The following ALPK2 variants were observed in gnomAD, a reference collection of about 807,000 sequenced individuals.
ALPK2 encodes alpha kinase 2, also known as alpha-protein kinase 2.
A neutral mutation model predicts 163.1 loss-of-function variants in ALPK2; 127 were observed. That is an observed-to-expected ratio of 0.78 (90% CI 0.67 to 0.90). The LOEUF is 0.90. ALPK2 is among the 40% of genes least tolerant of loss of function. The probability of loss-of-function intolerance (pLI) is 0.00; values close to 1 mark genes in which losing one functional copy is unlikely to be tolerated. For missense variants in ALPK2, 2,360 were observed against 2,589.6 expected, an observed-to-expected ratio of 0.91 and a Z score of 1.92; for synonymous variants, 953 against 959.1, an observed-to-expected ratio of 0.99 and a Z score of 0.12.
At chr18:58,590,424 C>G (rs1223345382) in intron 3 of ALPK2, among the ~76,000 whole-genome samples, 1 of 152,068 alleles carries the variant, frequency 6.6e-6, no homozygotes, top group African/African-American at 2.4e-5. Flanking sequence ...AGCTCCCCCT[C>G]CAGTGGCTGC....
intron 4 of ALPK2, among the ~76,000 whole-genome samples, chr18:58,577,627 G>C (rs1403859609): frequency 2.0e-5 from 3 of 152,188 alleles, no homozygotes; most frequent in Non-Finnish European, 4.4e-5. Flanking sequence ...TAAATAACTG[G>C]ATAGGAGAAT....
intron 4 of ALPK2, among the ~76,000 whole-genome samples, chr18:58,541,633 T>C (rs943876274): frequency 1.3e-5 from 2 of 152,262 alleles, no homozygotes; most frequent in East Asian, 3.8e-4. Context: ...TACCAGGCAC[T>C]GTTCTAGGCA....
In ALPK2 at chr18:58,617,742, TG is replaced by T. The variant is rs568265993; in HGVS notation, c.-20-5926del. On this transcript the variant is annotated intron_variant, in intron 1 of 12. Coordinates refer to ENST00000361673, the MANE Select transcript of ALPK2 (RefSeq NM_052947.4). ...TGGTATATATGTATGTTGGTATGTA[TG>T]GTACATGCTTTGTTGACAGTTGGCT... is the stretch of plus-strand genomic sequence containing the variant. Among the ~76,000 whole-genome samples the T allele has an allele frequency of 2.2e-4, 33 of 152,344 alleles. No homozygotes were observed. In the East Asian group the frequency reaches 6.2e-3, roughly 28 times the overall value.
chr18:58,529,364 G>A, intron 5 of ALPK2, 126 bp from the exon 6 acceptor site: 1 of 1,051,562 alleles, frequency 9.5e-7, no homozygotes, highest in Non-Finnish European at 1.3e-6. Context: ...AGTGAGAATT[G>A]AGTCTCTGAG....
intron 12 of ALPK2, among the ~76,000 whole-genome samples, chr18:58,489,409 T>G (rs535802551): frequency 6.6e-6 from 1 of 152,252 alleles, no homozygotes; most frequent in African/African-American, 2.4e-5. Context: ...AGGCTTGGTA[T>G]GGTAGGTAGC....
rs781603343 is a variant in ALPK2 at position 58,517,063 on chromosome 18, C to T, written c.5785G>A (p.Val1929Ile). ...GTGCTGCGGAAGGCTTTGCGGTGAA[C>T]CCCTTCTCCAAAGTGCAGCTCCTCC... ...ATEELHFGEG[V>I]HRKAFRSTVM... Residue 1929 changes from valine (V) to isoleucine (I), a missense_variant, in exon 9 of 13, where the codon GTT becomes ATT. By Grantham distance (29) the Val-to-Ile change is conservative. Coordinates refer to ENST00000361673, the MANE Select transcript of ALPK2 (RefSeq NM_052947.4). 12 of 1,614,122 alleles carry T rather than the reference C, an allele frequency of 7.4e-6. No homozygotes were observed. Among genetic ancestry groups the T allele is most frequent in the Non-Finnish European group, 1.0e-5 (12 of 1,180,042 alleles).
In ALPK2 at chr18:58,580,189, G is replaced by T; in HGVS notation, c.587C>A (p.Thr196Lys). 1.2e-6 allele frequency: 2 copies of T among 1,614,170 alleles called. No homozygotes were observed. Among genetic ancestry groups the T allele is most frequent in the South Asian group, 1.1e-5 (1 of 91,086 alleles). ...SSENPLGVKG[T>K]RHTGEAYDPS... is the part of the protein sequence containing the mutation. Reference sequence around the variant, plus strand: ...ATCATAAGCCTCTCCAGTGTGCCTTGTTCCTTTAACACCCAAAGGATTTTC... The same window carrying T: ...ATCATAAGCCTCTCCAGTGTGCCTTTTTCCTTTAACACCCAAAGGATTTTC... Residue 196 changes from threonine to lysine, a missense_variant, in exon 4 of 13, where the codon ACA becomes AAA. By Grantham distance (78) the Thr-to-Lys change is moderately conservative. Coordinates refer to ENST00000361673, the MANE Select transcript of ALPK2 (RefSeq NM_052947.4).
chr18:58,580,761 C>T, intron 3 of ALPK2: 1 of 574,320 alleles, frequency 1.7e-6, no homozygotes, highest in Non-Finnish European at 3.1e-6. Flanking sequence ...AGCATCCTCC[C>T]TTGAAACTTT....
chr18:58,619,931 G>A (rs1235446645), intron 1 of ALPK2, among the ~76,000 whole-genome samples: 1 of 152,240 alleles, frequency 6.6e-6, no homozygotes, highest in Non-Finnish European at 1.5e-5. Flanking sequence ...GGTCCAACTA[G>A]TGAATGGGTA....
chr18:58,550,571 C>G (rs1244588779), intron 4 of ALPK2, among the ~76,000 whole-genome samples: 3 of 149,902 alleles, frequency 2.0e-5, no homozygotes, highest in Non-Finnish European at 3.0e-5. Context: ...TGACTCTACC[C>G]TCATCTATAT....
intron 4 of ALPK2, among the ~76,000 whole-genome samples, chr18:58,554,072 G>A (rs779366511): frequency 2.4e-4 from 37 of 152,110 alleles, no homozygotes; most frequent in Non-Finnish European, 4.1e-4. Flanking sequence ...TGTTGGCCAG[G>A]CTGGTCTCAA....
intron 9 of ALPK2, among the ~76,000 whole-genome samples, chr18:58,515,865 A>G (rs1044080829): frequency 3.3e-5 from 5 of 152,216 alleles, no homozygotes; most frequent in African/African-American, 1.2e-4. Flanking sequence ...AAAGGGGCAC[A>G]GAGCTGGTGA....
chr18:58,504,176 A>G (rs955729055), intron 10 of ALPK2, 28 bp from the exon 11 acceptor site: 1 of 1,585,362 alleles, frequency 6.3e-7, no homozygotes, highest in African/African-American at 1.3e-5. Flanking sequence ...ACAGGCGCAC[A>G]TCAAGGTCTC....
chr18:58,593,563 C>CAAAAAAA (rs34460316), intron 3 of ALPK2, among the ~76,000 whole-genome samples: 1 of 50,642 alleles, frequency 2.0e-5, no homozygotes, highest in East Asian at 6.8e-4. Context: ...GACTCTGTCT[C>CAAAAAAA]AAAAAAAAAA....
intron 4 of ALPK2, among the ~76,000 whole-genome samples, chr18:58,550,062 T>C (rs1244174097): frequency 3.3e-5 from 5 of 152,092 alleles, no homozygotes; most frequent in Non-Finnish European, 4.4e-5. Flanking sequence ...ACCTGTTTGC[T>C]TTCAGATTGT....
chr18:58,490,437 A>G (rs1471501169), intron 12 of ALPK2, among the ~76,000 whole-genome samples: 5 of 152,128 alleles, frequency 3.3e-5, no homozygotes, highest in Admixed American at 6.5e-5. Flanking sequence ...GTCATGGCCA[A>G]GCAACTGCTT....
Position 58,514,952 on chromosome 18 carries a change from C to T in ALPK2, c.6029+41G>A, listed in dbSNP as rs77508567. 2.5e-3 allele frequency: 3,819 copies of T among 1,511,360 alleles called. 90 individuals are homozygous for T. The African/African-American group carries it at 0.049, about 19-fold the overall frequency. The allele number at this position is 1,511,360 out of a possible 1,614,324, so 93.6% of individuals were successfully genotyped here. ...CTCTCTCGTCCCTCCTAGTCCCCAA[C>T]GAGTCAGGAGTGTGACACAAGGCAG... On this transcript the variant is annotated intron_variant, in intron 10 of 12. Coordinates refer to ENST00000361673, the MANE Select transcript of ALPK2 (RefSeq NM_052947.4).
chr18:58,490,873 T>TC (rs1417212210), intron 12 of ALPK2, among the ~76,000 whole-genome samples: 1 of 152,154 alleles, frequency 6.6e-6, no homozygotes, highest in African/African-American at 2.4e-5. Context: ...GGAGAAGCAC[T>TC]CATCTACTAT....
Position 58,534,883 on chromosome 18 carries a change from T to A in ALPK2, c.5304A>T (p.Thr1768=), listed in dbSNP as rs767888521. Reference sequence around the variant, plus strand: ...GCTTTTTTGGGTCTTGTTTCTCTTCTGTGTGTGATAATGATGTTTCGAGTT... The same window carrying A: ...GCTTTTTTGGGTCTTGTTTCTCTTCAGTGTGTGATAATGATGTTTCGAGTT... ...MPKLETSLSH[T]EEKQDPKKPS... is the part of the protein sequence containing the mutation. The change falls in exon 5 of 13, where the codon ACA becomes ACT. Residue 1768 remains threonine (T), a synonymous_variant. Coordinates refer to ENST00000361673, the MANE Select transcript of ALPK2 (RefSeq NM_052947.4). The A allele has an allele frequency of 3.5e-5, 56 of 1,613,554 alleles. No individual in the cohort carries two copies. In the East Asian group the frequency reaches 1.2e-3, roughly 36 times the overall value.
Sources: allele counts gnomAD v4.1 joint callset (sites outside exome capture counted in the v4.1 genomes callset), GRCh38; gene constraint gnomAD v4.1.1; transcripts MANE v1.5; gene names NCBI Gene and HGNC (gene_info 2026-07-23, HGNC 2026-07-21).